Variants in ERC2 observed in about 807,000 individuals in gnomAD.
ERC2 encodes ELKS/RAB6-interacting/CAST family member 2, also known as ERC protein 2.
Under a neutral mutation model 114.8 loss-of-function variants are expected in ERC2, and 42 were observed. That is an observed-to-expected ratio of 0.37 (90% CI 0.29 to 0.47). ERC2 has a LOEUF of 0.47. Among genes scored for constraint, ERC2 ranks in the 20% least tolerant of loss-of-function variants. The pLI is 0.99. For synonymous variants in ERC2, 454 were observed against 425.5 expected (o/e 1.07, Z -0.82); for missense variants, 939 against 1,150.7 (o/e 0.82, Z 2.66).
chr3:56,176,675 T>C (rs550085590), intron 3 of ERC2, among the ~76,000 whole-genome samples: 2 of 152,318 alleles, frequency 1.3e-5, no homozygotes, highest in East Asian at 3.9e-4. Flanking sequence ...AAATGAAAAT[T>C]GTAATCTATA....
chr3:55,879,079 CT>C (rs963296731), intron 14 of ERC2, among the ~76,000 whole-genome samples: 9 of 83,186 alleles, frequency 1.1e-4, no homozygotes, highest in African/African-American at 3.7e-4. Context: ...TTTTTCTTTT[CT>C]TTTTTTTTCT....
intron 16 of ERC2, among the ~76,000 whole-genome samples, chr3:55,692,292 C>T (rs2062708622): frequency 6.6e-6 from 1 of 152,196 alleles, no homozygotes; most frequent in African/African-American, 2.4e-5. Flanking sequence ...GCTGCTGTGA[C>T]TGCTTCATTC....
intron 14 of ERC2, among the ~76,000 whole-genome samples, chr3:55,850,037 T>C (rs552753663): frequency 2.6e-5 from 4 of 152,314 alleles, no homozygotes; most frequent in South Asian, 2.1e-4. Flanking sequence ...AACCATTCCA[T>C]GCTTTTTCCT....
chr3:55,792,756 A>C (rs1248438391), intron 14 of ERC2, among the ~76,000 whole-genome samples: 1 of 152,232 alleles, frequency 6.6e-6, no homozygotes, highest in Non-Finnish European at 1.5e-5. Context: ...AAAGCTAAGA[A>C]GTTGAAACCA....
intron 2 of ERC2, among the ~76,000 whole-genome samples, chr3:56,311,177 C>G (rs1193965374): frequency 6.8e-6 from 1 of 146,004 alleles, no homozygotes; most frequent in African/African-American, 2.6e-5. Context: ...GATAATTTAA[C>G]ACATTCATAT....
chr3:56,274,804 G>A (rs1319072357), intron 3 of ERC2, among the ~76,000 whole-genome samples: 1 of 152,162 alleles, frequency 6.6e-6, no homozygotes, highest in Non-Finnish European at 1.5e-5. Flanking sequence ...GCCATACTAA[G>A]GCGATGACAT....
At chr3:55,730,689 A>C (rs1212058696) in intron 15 of ERC2, among the ~76,000 whole-genome samples, 1 of 152,212 alleles carries the variant, frequency 6.6e-6, no homozygotes, top group East Asian at 1.9e-4. Context: ...TAGGCAATGT[A>C]GTGAAACCCC....
At chr3:56,331,503 T>C (rs954345466) in intron 2 of ERC2, among the ~76,000 whole-genome samples, 14 of 152,208 alleles carry the variant, frequency 9.2e-5, no homozygotes, top group African/African-American at 2.9e-4. Flanking sequence ...GAATATTTTT[T>C]TTTCTTTAAC....
chr3:55,899,500 AGTGT>A (rs994506735), intron 13 of ERC2, among the ~76,000 whole-genome samples: 5 of 151,800 alleles, frequency 3.3e-5, no homozygotes, highest in Non-Finnish European at 7.4e-5. Flanking sequence ...TACGTGTGTG[AGTGT>A]GTGTGTGTGA....
chr3:56,184,829 A>G (rs1185515254), intron 3 of ERC2, among the ~76,000 whole-genome samples: 1 of 152,212 alleles, frequency 6.6e-6, no homozygotes, highest in African/African-American at 2.4e-5. Flanking sequence ...GAGAGAATGC[A>G]AAATAAGCAT....
At chr3:56,461,936 GAC>G (rs2063335671) in intron 1 of ERC2, among the ~76,000 whole-genome samples, 1 of 152,104 alleles carries the variant, frequency 6.6e-6, no homozygotes, top group Non-Finnish European at 1.5e-5. Flanking sequence ...AAAAAAAGGA[GAC>G]ACAGACAGTT....
intron 2 of ERC2, among the ~76,000 whole-genome samples, chr3:56,363,438 G>C (rs1250908391): frequency 6.6e-6 from 1 of 152,184 alleles, no homozygotes; most frequent in Non-Finnish European, 1.5e-5. Flanking sequence ...CTTATCCAAA[G>C]TAGCTCGAAA....
chr3:55,821,423 A>G (rs915768128), intron 14 of ERC2, among the ~76,000 whole-genome samples: 1 of 152,206 alleles, frequency 6.6e-6, no homozygotes, highest in Non-Finnish European at 1.5e-5. Context: ...GCTGAGTGCT[A>G]CTAAGACAAA....
intron 2 of ERC2, among the ~76,000 whole-genome samples, chr3:56,397,994 A>G (rs1255557957): frequency 6.6e-6 from 1 of 152,188 alleles, no homozygotes; most frequent in African/African-American, 2.4e-5. Context: ...ACGCATACTT[A>G]CATCCCATTG....
rs117863072 is a variant in ERC2, at chr3:56,226,651, G to A, written c.1075-53131C>T. On this transcript the variant is annotated intron_variant, in intron 3 of 17. Transcript: ENST00000288221. The stretch of plus-strand genomic sequence containing the variant: ...ATGATGAGATAGTACAAGGCACTAC[G>A]GGAATGACAAATGGGTCTCCACCCT... 2.0e-4 allele frequency among the ~76,000 whole-genome samples: 30 copies of A among 152,198 alleles called. 1 individual carries two copies. In the East Asian group the frequency reaches 3.5e-3, roughly 18 times the overall value.
At chr3:55,842,874 T>C (rs2061197849) in intron 14 of ERC2, among the ~76,000 whole-genome samples, 1 of 151,932 alleles carries the variant, frequency 6.6e-6, no homozygotes, top group South Asian at 2.1e-4. Context: ...CTTTAAGAGA[T>C]TAGTTCTATG....
intron 2 of ERC2, among the ~76,000 whole-genome samples, chr3:56,324,569 C>T (rs1043723763): frequency 2.2e-4 from 33 of 152,074 alleles, no homozygotes; most frequent in African/African-American, 7.2e-4. Context: ...GTTATGGACC[C>T]ACTGTAGGTA....
intron 16 of ERC2, among the ~76,000 whole-genome samples, chr3:55,691,962 C>A (rs748875904): frequency 6.6e-6 from 1 of 152,120 alleles, no homozygotes; most frequent in South Asian, 2.1e-4. Context: ...GCAATACATA[C>A]ATATATACAC....
intron 6 of ERC2, among the ~76,000 whole-genome samples, chr3:56,112,271 T>G (rs1421966907): frequency 6.6e-6 from 1 of 152,212 alleles, no homozygotes; most frequent in African/African-American, 2.4e-5. Context: ...CTCTGCTTTC[T>G]TGCCATTCCA....
Sources: allele counts gnomAD v4.1 joint callset (sites outside exome capture counted in the v4.1 genomes callset), GRCh38; gene constraint gnomAD v4.1.1; transcripts MANE v1.5; gene names NCBI Gene and HGNC (gene_info 2026-07-23, HGNC 2026-07-21).